The following ENAH variants were observed in gnomAD, a reference collection of about 807,000 sequenced individuals.
ENAH encodes the protein protein enabled homolog.
Under a neutral mutation model 78.7 loss-of-function variants are expected in ENAH, and 23 were observed. That is an observed-to-expected ratio of 0.29 (90% CI 0.21 to 0.41). The LOEUF is 0.41. Ranked by LOEUF, ENAH falls within the 10% of genes least tolerant of loss-of-function variation. The pLI is 1.00. For synonymous variants in ENAH, 226 were observed against 241.0 expected, an observed-to-expected ratio of 0.94 and a Z score of 0.58; for missense variants, 544 against 691.0, an observed-to-expected ratio of 0.79 and a Z score of 2.39.
At position 225,488,986 on chromosome 1, in the gene ENAH, TAAG is replaced by T. The variant is rs1204309318; in HGVS notation, c.*8786_*8788del. 2 of 152,142 alleles carry T rather than the reference TAAG, an allele frequency of 1.3e-5. No individual in the cohort carries two copies. Among genetic ancestry groups the T allele is most frequent in the Non-Finnish European group, 2.9e-5 (2 of 68,028 alleles). The allele number at this position is 152,142 out of a possible 1,614,324, so 9.4% of individuals were successfully genotyped here. ...GATGGATAAGATGGAAGATATAAAA[TAAG>T]AAGGGCAGGAGGGTAAGATTATTCC... On this transcript the variant is annotated 3_prime_UTR_variant, in exon 14 of 14. Transcript: ENST00000366843.
At position 225,514,671 on chromosome 1, in the gene ENAH, G is replaced by T; in HGVS notation, c.1143C>A (p.Ser381=). The change falls in exon 7 of 14, where the codon TCC becomes TCA. Residue 381 remains serine (S), a synonymous_variant. Coordinates refer to ENST00000366843, the MANE Select transcript of ENAH (RefSeq NM_018212.6). ...PLPASGFFLA[S]MSEDNRPLTG... ...TTAAAGGGCGATTGTCTTCTGACAT[G>T]GATGCCAAAAAGAATCCAGATGCAG... is the stretch of plus-strand genomic sequence containing the variant. 1.2e-6 allele frequency: 2 copies of T among 1,611,672 alleles called. No individual in the cohort carries two copies. The highest frequency in any genetic ancestry group is 1.7e-6 in the Non-Finnish European group (2 of 1,179,484).
intron 3 of ENAH, 71 bp from the exon 4 acceptor site, chr1:225,530,709 G>A: frequency 1.7e-6 from 2 of 1,181,172 alleles, no homozygotes; most frequent in Non-Finnish European, 2.5e-6. Flanking sequence ...ATAAAATCAT[G>A]AGAATAACAT....
rs2096887531 is a variant in ENAH, at chr1:225,593,416, G to T, written c.6-26002C>A. Among the ~76,000 whole-genome samples the T allele has an allele frequency of 1.3e-4, 11 of 87,462 alleles. 2 individuals are homozygous for T. The South Asian group carries it at 1.7e-3, about 13-fold the overall frequency. The allele number at this position is 87,462 out of a possible 152,430, so 57.4% of individuals were successfully genotyped here. A position where few individuals can be genotyped will look rare whatever the true frequency, so the allele number is the denominator to read the frequency against. ...GTGTGTGTGTGGGGGGGGGGGGGGG[G>T]GTGGGGGGTGCCCTAGTATGAGAAC... On this transcript the variant is annotated intron_variant, in intron 1 of 13. Transcript: ENST00000366843.
chr1:225,647,439 G>A (rs1662173095), intron 1 of ENAH, among the ~76,000 whole-genome samples: 1 of 152,134 alleles, frequency 6.6e-6, no homozygotes, highest in South Asian at 2.1e-4. Flanking sequence ...TTAGAATTTA[G>A]ACAATCCTGA....
chr1:225,523,872 C>T (rs181492549), intron 4 of ENAH, among the ~76,000 whole-genome samples: 14 of 152,268 alleles, frequency 9.2e-5, no homozygotes, highest in Admixed American at 8.5e-4. Flanking sequence ...GGCTCCTCTT[C>T]CTAGAGTTCT....
At chr1:225,529,355 G>A (rs1194256678) in intron 4 of ENAH, among the ~76,000 whole-genome samples, 2 of 152,126 alleles carry the variant, frequency 1.3e-5, no homozygotes, top group Admixed American at 6.5e-5. Context: ...CACTTACATA[G>A]GTATCTGCTT....
At chr1:225,572,440 A>G (rs1451857332) in intron 1 of ENAH, among the ~76,000 whole-genome samples, 2 of 152,196 alleles carry the variant, frequency 1.3e-5, no homozygotes, top group Admixed American at 1.3e-4. Context: ...TAAAAATAGG[A>G]ATATTTCAAA....
chr1:225,605,153 T>C (rs762911133), intron 1 of ENAH, among the ~76,000 whole-genome samples: 9 of 152,190 alleles, frequency 5.9e-5, no homozygotes, highest in Non-Finnish European at 4.4e-5. Context: ...CAATTGTAGA[T>C]TGAATCTTAA....
chr1:225,648,242 T>C (rs1300871417), intron 1 of ENAH, among the ~76,000 whole-genome samples: 1 of 152,214 alleles, frequency 6.6e-6, no homozygotes, highest in Non-Finnish European at 1.5e-5. Flanking sequence ...TTGGCACAAG[T>C]AGGGTTTAAA....
intron 3 of ENAH, among the ~76,000 whole-genome samples, chr1:225,550,423 A>T (rs1176567987): frequency 1.3e-5 from 2 of 152,210 alleles, no homozygotes; most frequent in African/African-American, 4.8e-5. Flanking sequence ...CACAGTTTAT[A>T]AAAAATACGC....
At chr1:225,506,226 T>C (rs751186993) in intron 11 of ENAH, among the ~76,000 whole-genome samples, 3 of 152,156 alleles carry the variant, frequency 2.0e-5, no homozygotes, top group Non-Finnish European at 4.4e-5. Flanking sequence ...ACATGACAGG[T>C]CTGCAGACTG....
intron 4 of ENAH, among the ~76,000 whole-genome samples, chr1:225,522,944 A>G (rs2096481394): frequency 6.6e-6 from 1 of 152,072 alleles, no homozygotes. Flanking sequence ...CAACATAAAT[A>G]TATAGTTTTT....
At chr1:225,567,640 T>C (rs571284611) in intron 1 of ENAH, among the ~76,000 whole-genome samples, 1 of 152,238 alleles carries the variant, frequency 6.6e-6, no homozygotes, top group East Asian at 1.9e-4. Flanking sequence ...GAGAGCAGGA[T>C]CCACGAAGAA....
Position 225,581,244 on chromosome 1 carries a change from A to G in ENAH, c.6-13830T>C, listed in dbSNP as rs1428475224. 4 of 978,786 alleles carry G rather than the reference A, an allele frequency of 4.1e-6. No homozygotes were observed. The East Asian group carries it at 3.4e-4, about 84-fold the overall frequency. 60.6% of individuals were successfully genotyped at this position (978,786 alleles called of 1,614,324 possible). The stretch of plus-strand genomic sequence containing the variant: ...ACTTTTCTCAGTAACTGAATAGATT[A>G]TTTCACCTGTTTCCTGTAGTTCTTC... On this transcript the variant is annotated intron_variant, in intron 1 of 13. Coordinates refer to ENST00000366843, the MANE Select transcript of ENAH (RefSeq NM_018212.6).
At position 225,487,757 on chromosome 1, in the gene ENAH, A is replaced by G. The variant is rs4653643; in HGVS notation, c.*10018T>C. ...AGCTCTGCATAATCTTTTGACATACATGCACACTTCTAGTTCTAAAATTCA... is the reference window on the plus strand; with the variant it reads ...AGCTCTGCATAATCTTTTGACATACGTGCACACTTCTAGTTCTAAAATTCA... On this transcript the variant is annotated 3_prime_UTR_variant, in exon 14 of 14. Coordinates refer to ENST00000366843, the MANE Select transcript of ENAH (RefSeq NM_018212.6). 100,471 of 152,050 alleles carry G rather than the reference A, an allele frequency of 0.66. 33,519 individuals carry two copies. The highest frequency in any genetic ancestry group is 0.74 in the Middle Eastern group (219 of 294). The allele number at this position is 152,050 out of a possible 1,614,324, so 9.4% of individuals were successfully genotyped here.
chr1:225,632,131 T>G (rs1419450855), intron 1 of ENAH, among the ~76,000 whole-genome samples: 2 of 152,242 alleles, frequency 1.3e-5, no homozygotes, highest in Non-Finnish European at 2.9e-5. Flanking sequence ...GTTTCCTCCT[T>G]TATTTTGAGA....
At chr1:225,638,746 G>A (rs893751028) in intron 1 of ENAH, among the ~76,000 whole-genome samples, 2 of 151,988 alleles carry the variant, frequency 1.3e-5, no homozygotes, top group Non-Finnish European at 2.9e-5. Context: ...AAGATCTAAC[G>A]GCTCACAGCT....
At chr1:225,510,110 T>C (rs1179371446) in intron 10 of ENAH, among the ~76,000 whole-genome samples, 3 of 152,236 alleles carry the variant, frequency 2.0e-5, no homozygotes, top group Non-Finnish European at 2.9e-5. Context: ...CCTGTACCTT[T>C]CACTTCAGGT....
intron 1 of ENAH, among the ~76,000 whole-genome samples, chr1:225,615,751 G>A (rs1430994325): frequency 1.3e-5 from 2 of 151,840 alleles, no homozygotes; most frequent in African/African-American, 2.4e-5. Flanking sequence ...TCTGGGAGGT[G>A]AGGAGCGTCT....
Sources: allele counts gnomAD v4.1 joint callset (sites outside exome capture counted in the v4.1 genomes callset), GRCh38; gene constraint gnomAD v4.1.1; transcripts MANE v1.5; gene names NCBI Gene and HGNC (gene_info 2026-07-23, HGNC 2026-07-21).